Variants in SSH2 observed in about 807,000 individuals in gnomAD.
SSH2 encodes the protein slingshot protein phosphatase 2, also known as protein phosphatase Slingshot homolog 2.
A neutral mutation model predicts 135.2 loss-of-function variants in SSH2; 37 were observed. The observed-to-expected ratio is 0.27, with a 90% CI of 0.21 to 0.36. The LOEUF is 0.36. Among genes scored for constraint, SSH2 ranks in the 10% least tolerant of loss-of-function variants. The probability of loss-of-function intolerance (pLI) is 1.00; values close to 1 mark genes in which losing one functional copy is unlikely to be tolerated. For missense variants in SSH2, 1,408 were observed against 1,765.3 expected (o/e 0.80, Z 3.63); for synonymous variants, 628 against 646.2 (o/e 0.97, Z 0.43).
chr17:29,630,775 C>G lies in SSH2; in HGVS notation c.*66G>C. 2.1e-6 allele frequency: 3 copies of G among 1,452,646 alleles called. No homozygotes were observed. Among genetic ancestry groups the G allele is most frequent in the Non-Finnish European group, 2.8e-6 (3 of 1,078,908 alleles). 90.0% of individuals were successfully genotyped at this position (1,452,646 alleles called of 1,614,324 possible). On this transcript the variant is annotated 3_prime_UTR_variant, in exon 16 of 16. Coordinates refer to ENST00000540801, the MANE Select transcript of SSH2 (RefSeq NM_001282129.2). ...AAATTAACCAATAAAGTGCATGTTC[C>G]TTACATATTACACCTGCCCCTTTTA...
chr17:29,690,012 C>CA (rs946244880), intron 5 of SSH2, among the ~76,000 whole-genome samples: 1,495 of 29,660 alleles, frequency 0.05, 42 homozygotes, highest in East Asian at 0.086. Flanking sequence ...AGATCCATCT[C>CA]AAAAAAAAAA....
chr17:29,638,707 C>A (rs933654383), intron 14 of SSH2, among the ~76,000 whole-genome samples: 7 of 151,978 alleles, frequency 4.6e-5, no homozygotes, highest in African/African-American at 1.5e-4. Context: ...TGCCACCACG[C>A]CTGGCTGATT....
chr17:29,789,861 T>C lies in SSH2; in HGVS notation c.188+4033A>G, dbSNP rs149081538. On this transcript the variant is annotated intron_variant, in intron 3 of 15. Transcript: ENST00000540801. ...TATTTGGGACCTATCAGTCCTACTT[T>C]CCTTCTGATTTCTACCTTTTGAGAT... Among the ~76,000 whole-genome samples the C allele has an allele frequency of 6.4e-4, 98 of 152,328 alleles. 1 individual carries two copies. In the East Asian group the frequency reaches 0.016, roughly 25 times the overall value.
At chr17:29,887,179 A>G (rs549214873) in intron 1 of SSH2, among the ~76,000 whole-genome samples, 1 of 152,300 alleles carries the variant, frequency 6.6e-6, no homozygotes, top group African/African-American at 2.4e-5. Context: ...TTTTGTTAAC[A>G]ACTTAATACT....
At chr17:29,656,695 CT>C (rs1289884643) in intron 11 of SSH2, among the ~76,000 whole-genome samples, 1 of 152,010 alleles carries the variant, frequency 6.6e-6, no homozygotes, top group African/African-American at 2.4e-5. Context: ...TATTTGCTTT[CT>C]TTCCTTCTTT....
At chr17:29,722,522 G>A (rs2151169861) in intron 3 of SSH2, among the ~76,000 whole-genome samples, 1 of 152,250 alleles carries the variant, frequency 6.6e-6, no homozygotes, top group South Asian at 2.1e-4. Context: ...GAAAAACAGG[G>A]AAGTGGCTAA....
intron 1 of SSH2, among the ~76,000 whole-genome samples, chr17:29,893,182 C>A (rs1312925715): frequency 6.6e-6 from 1 of 151,988 alleles, no homozygotes; most frequent in African/African-American, 2.4e-5. Context: ...ACAGTGCACA[C>A]TTCCTTCCTG....
intron 1 of SSH2, among the ~76,000 whole-genome samples, chr17:29,892,513 A>G (rs1451980442): frequency 1.3e-5 from 2 of 152,208 alleles, no homozygotes; most frequent in Non-Finnish European, 2.9e-5. Flanking sequence ...CACTGTGACA[A>G]TGAAGAGGAA....
At chr17:29,739,512 G>T (rs2040485984) in intron 3 of SSH2, among the ~76,000 whole-genome samples, 1 of 152,116 alleles carries the variant, frequency 6.6e-6, no homozygotes, top group Non-Finnish European at 1.5e-5. Context: ...TAACTTAAAG[G>T]ATATTCCCCA....
At chr17:29,731,449 ATTT>A (rs2040194768) in intron 3 of SSH2, among the ~76,000 whole-genome samples, 1 of 149,514 alleles carries the variant, frequency 6.7e-6, no homozygotes, top group Non-Finnish European at 1.5e-5. Context: ...TTATTTATTT[ATTT>A]ATTTATTTAT....
At chr17:29,724,771 G>A (rs942566827) in intron 3 of SSH2, among the ~76,000 whole-genome samples, 1 of 150,318 alleles carries the variant, frequency 6.7e-6, no homozygotes, top group African/African-American at 2.4e-5. Context: ...TGGTATTTTA[G>A]TAGAGACAAG....
intron 8 of SSH2, among the ~76,000 whole-genome samples, chr17:29,673,717 C>A (rs2037590519): frequency 6.6e-6 from 1 of 152,148 alleles, no homozygotes. Context: ...TAGCGTAGAT[C>A]TTTCCAGTCT....
intron 1 of SSH2, among the ~76,000 whole-genome samples, chr17:29,908,875 G>A (rs1420138532): frequency 1.3e-5 from 2 of 150,812 alleles, no homozygotes; most frequent in Non-Finnish European, 2.9e-5. Context: ...TCAGGAGATC[G>A]AGACCATCCT....
At chr17:29,754,667 T>A (rs2041057528) in intron 3 of SSH2, among the ~76,000 whole-genome samples, 1 of 152,120 alleles carries the variant, frequency 6.6e-6, no homozygotes, top group Admixed American at 6.5e-5. Flanking sequence ...TTTATTTTAT[T>A]TTTATTTATT....
chr17:29,648,457 T>A (rs1288338117), intron 13 of SSH2, 113 bp from the exon 14 acceptor site: 4 of 817,324 alleles, frequency 4.9e-6, no homozygotes, highest in Non-Finnish European at 5.6e-6. Flanking sequence ...ATTTTCTTGC[T>A]ATGCAATCTC....
At chr17:29,655,431 T>C in intron 12 of SSH2, 130 bp downstream of exon 12, 2 of 896,750 alleles carry the variant, frequency 2.2e-6, no homozygotes, top group East Asian at 2.4e-5. Flanking sequence ...TTAGATTACA[T>C]CTGATTAGAA....
At chr17:29,761,338 G>A (rs2041294043) in intron 3 of SSH2, 4 of 1,099,812 alleles carry the variant, frequency 3.6e-6, no homozygotes, top group Non-Finnish European at 3.4e-6. Flanking sequence ...GGCACGAGGC[G>A]CAGGCTGCGC....
At chr17:29,850,934 G>A (rs1040239611) in intron 1 of SSH2, among the ~76,000 whole-genome samples, 36 of 152,112 alleles carry the variant, frequency 2.4e-4, no homozygotes, top group African/African-American at 8.5e-4. Context: ...GCAGTGAGCC[G>A]AGATCGCGCC....
Position 29,628,587 on chromosome 17 carries a change from G to A in SSH2, c.*2254C>T, listed in dbSNP as rs898626575. ...CATATTGGTGGTGGAACTGCTTCAA[G>A]AAGGCAGGGTATTCTACATGGAAGA... is the stretch of plus-strand genomic sequence containing the variant. On this transcript the variant is annotated 3_prime_UTR_variant, in exon 16 of 16. Transcript: ENST00000540801. The A allele has an allele frequency of 6.6e-6, 1 of 152,144 alleles. No homozygotes were observed. The highest frequency in any genetic ancestry group is 1.5e-5 in the Non-Finnish European group (1 of 68,028). The allele number at this position is 152,144 out of a possible 1,614,324, so 9.4% of individuals were successfully genotyped here.
Sources: gnomAD v4.1 joint callset for allele counts (sites outside exome capture counted in the v4.1 genomes callset) on GRCh38, gnomAD v4.1.1 for gene constraint, MANE v1.5 for transcripts, NCBI Gene and HGNC (gene_info 2026-07-23, HGNC 2026-07-21) for gene names.